KIAA0586: variants seen among roughly 807,000 people sequenced by gnomAD.
The protein encoded by KIAA0586 is KIAA0586.
A neutral mutation model predicts 169.8 loss-of-function variants in KIAA0586; 144 were observed. The observed-to-expected ratio is 0.85, with a 90% CI of 0.74 to 0.97. KIAA0586 has a LOEUF of 0.97. Ranked by LOEUF, KIAA0586 falls within the 50% of genes least tolerant of loss-of-function variation. The pLI is 0.00. For missense variants in KIAA0586, 1,854 were observed against 1,823.0 expected (o/e 1.02, Z -0.31); for synonymous variants, 625 against 612.4 (o/e 1.02, Z -0.30).
chr14:58,490,868 T>C (rs1332209730), intron 25 of KIAA0586, among the ~76,000 whole-genome samples: 2 of 152,152 alleles, frequency 1.3e-5, no homozygotes, highest in African/African-American at 2.4e-5. Flanking sequence ...TACTCAACTA[T>C]CATCTATGTT....
rs2043352354 is a variant in KIAA0586, at chr14:58,498,903, T to A, written c.4111T>A (p.Ser1371Thr). 4 of 1,612,054 alleles carry A rather than the reference T, an allele frequency of 2.5e-6. No homozygotes were observed. The highest frequency in any genetic ancestry group is 1.3e-5 in the African/African-American group (1 of 75,040). Reference protein sequence around the residue: ...YMQPPVTNTQSLDQQCDPKPL... With the variant: ...YMQPPVTNTQTLDQQCDPKPL... The stretch of plus-strand genomic sequence containing the variant: ...GCAGCCACCTGTCACTAATACACAG[T>A]CTTTGGATCAACAATGTGATCCTAA... Residue 1371 changes from serine to threonine, a missense_variant, in exon 27 of 31, where the codon TCT (serine) becomes ACT (threonine). Coordinates refer to ENST00000652326, the MANE Select transcript of KIAA0586 (RefSeq NM_001329943.3).
At chr14:58,516,314 T>C (rs1200922620) in intron 29 of KIAA0586, among the ~76,000 whole-genome samples, 1 of 152,120 alleles carries the variant, frequency 6.6e-6, no homozygotes, top group African/African-American at 2.4e-5. Flanking sequence ...CCTTCTCCTT[T>C]AAGAACAAAA....
rs1388656317 is a variant in KIAA0586, at chr14:58,442,793, T to C, written c.498T>C (p.Thr166=). 1 of 1,605,926 alleles carries C rather than the reference T, an allele frequency of 6.2e-7. No individual in the cohort carries two copies. The highest frequency in any genetic ancestry group is 1.1e-5 in the South Asian group (1 of 89,624). Reference sequence around the variant, plus strand: ...AGAAGGATGCTGTTACTCAGGAGACTAGAATTTCACCCAGTGGAATTGATT... The same window carrying C: ...AGAAGGATGCTGTTACTCAGGAGACCAGAATTTCACCCAGTGGAATTGATT... The part of the protein sequence containing the change: ...GIEKDAVTQE[T]RISPSGIDSA... Residue 166 remains threonine, a synonymous_variant, in exon 5 of 31, where the codon ACT becomes ACC. Coordinates refer to ENST00000652326, the MANE Select transcript of KIAA0586 (RefSeq NM_001329943.3).
At chr14:58,552,173 A>G (rs143963589), downstream of KIAA0586, among the ~76,000 whole-genome samples, 12 of 152,308 alleles carry the variant, frequency 7.9e-5, no homozygotes, top group Admixed American at 2.0e-4. Flanking sequence ...TGAAGACTCT[A>G]TTAGAAATGC....
Position 58,524,585 on chromosome 14 carries a change from T to C in KIAA0586, c.4429+11958T>C, listed in dbSNP as rs1237076855. ...TTGATGATTCTGTTCTATTTAGAAT[T>C]AGAGGCACTTTGGAGACAAATTGCA... On this transcript the variant is annotated intron_variant, in intron 29 of 30. Coordinates refer to ENST00000652326, the MANE Select transcript of KIAA0586 (RefSeq NM_001329943.3). Among the ~76,000 whole-genome samples, 2 of 152,152 alleles carry C rather than the reference T, an allele frequency of 1.3e-5. 1 individual carries two copies. The highest frequency in any genetic ancestry group is 2.9e-5 in the Non-Finnish European group (2 of 68,032).
At position 58,429,424 on chromosome 14, in the gene KIAA0586, G is replaced by A. The variant is rs1459167218; in HGVS notation, c.261G>A (p.Val87=). The A allele has an allele frequency of 1.9e-6, 3 of 1,578,878 alleles. No individual in the cohort carries two copies. Among genetic ancestry groups the A allele is most frequent in the Non-Finnish European group, 2.6e-6 (3 of 1,148,328 alleles). The part of the protein sequence containing the change: ...CYQPLLENPM[V]SESDFSKDVA... ...AGCCTCTATTAGAAAATCCCATGGT[G>A]TCAGAAAGTGTAAGCAAAAGGATTC... Residue 87 remains valine (V), a synonymous_variant, in exon 2 of 31, where the codon GTG becomes GTA. Coordinates refer to ENST00000652326, the MANE Select transcript of KIAA0586 (RefSeq NM_001329943.3).
chr14:58,449,478 G>A (rs1027676436), intron 7 of KIAA0586, among the ~76,000 whole-genome samples: 3 of 152,190 alleles, frequency 2.0e-5, no homozygotes, highest in Non-Finnish European at 4.4e-5. Flanking sequence ...TCAGTGAGCT[G>A]TGATCATGCA....
At chr14:58,527,852 A>T (rs2045697333) in intron 29 of KIAA0586, among the ~76,000 whole-genome samples, 1 of 152,238 alleles carries the variant, frequency 6.6e-6, no homozygotes, top group Non-Finnish European at 1.5e-5. Context: ...ATTCACACAT[A>T]ACAATATTAA....
intron 29 of KIAA0586, among the ~76,000 whole-genome samples, chr14:58,517,902 A>T (rs1395635224): frequency 6.6e-6 from 1 of 152,214 alleles, no homozygotes; most frequent in African/African-American, 2.4e-5. Flanking sequence ...TTCCATTTAT[A>T]TGGAAAAGGC....
rs537327644 is a variant in KIAA0586 at position 58,537,939 on chromosome 14, G to A, written c.4430-2132G>A. Among the ~76,000 whole-genome samples, 147 of 152,206 alleles carry A rather than the reference G, an allele frequency of 9.7e-4. 1 individual carries two copies. Among genetic ancestry groups the A allele is most frequent in the Non-Finnish European group, 1.4e-3 (98 of 68,016 alleles). On this transcript the variant is annotated intron_variant, in intron 29 of 30. Transcript: ENST00000652326. ...TGGGATTACAGGCGTGAGCCACCGC[G>A]CCTGGCCCATAGTAAGCACTTTTAA...
intron 21 of KIAA0586, among the ~76,000 whole-genome samples, chr14:58,485,416 C>A (rs1257566220): frequency 6.6e-6 from 1 of 152,082 alleles, no homozygotes; most frequent in African/African-American, 2.4e-5. Flanking sequence ...GGGAAATTGT[C>A]ATTTTCCTAC....
At chr14:58,538,825 G>A (rs1451036153) in intron 29 of KIAA0586, among the ~76,000 whole-genome samples, 2 of 151,908 alleles carry the variant, frequency 1.3e-5, no homozygotes, top group Non-Finnish European at 2.9e-5. Context: ...TGTCGTCCAG[G>A]CTGGTAGGCA....
chr14:58,468,250 A>T (rs895003508), intron 16 of KIAA0586, among the ~76,000 whole-genome samples: 1 of 151,838 alleles, frequency 6.6e-6, no homozygotes, highest in African/African-American at 2.4e-5. Flanking sequence ...GGGGTTTCAT[A>T]TGTTGGCCAG....
downstream of KIAA0586, among the ~76,000 whole-genome samples, chr14:58,552,659 G>A (rs1042528821): frequency 6.6e-6 from 1 of 152,154 alleles, no homozygotes; most frequent in African/African-American, 2.4e-5. Context: ...GTTCACTAAC[G>A]AGACTTCTGA....
intron 29 of KIAA0586, among the ~76,000 whole-genome samples, chr14:58,524,548 C>T (rs922304287): frequency 2.0e-5 from 3 of 152,140 alleles, no homozygotes; most frequent in Non-Finnish European, 2.9e-5. Context: ...TGATTAAGGA[C>T]TCCAGTTGTT....
chr14:58,512,482 TA>T, intron 28 of KIAA0586, 39 bp from the exon 29 acceptor site: 1 of 1,131,190 alleles, frequency 8.8e-7, no homozygotes, highest in Non-Finnish European at 1.2e-6. Context: ...TTTAAGTAAC[TA>T]AAAAATAATA....
At chr14:58,532,289 C>A (rs2046026413) in intron 29 of KIAA0586, among the ~76,000 whole-genome samples, 1 of 152,070 alleles carries the variant, frequency 6.6e-6, no homozygotes, top group South Asian at 2.1e-4. Flanking sequence ...AACTACATAC[C>A]AAATTGTTAC....
rs1566969893 is a variant in KIAA0586, at chr14:58,547,826, A to G, written c.4541A>G (p.Lys1514Arg). 2.5e-6 allele frequency: 4 copies of G among 1,613,626 alleles called. No homozygotes were observed. The highest frequency in any genetic ancestry group is 2.2e-5 in the South Asian group (2 of 91,070). Residue 1514 changes from lysine (K) to arginine (R), a missense_variant, in exon 31 of 31, where the codon AAG (lysine) becomes AGG (arginine). Lys to Arg is a conservative substitution (Grantham distance 26). Transcript: ENST00000652326. ...TCCGCTTCACAGATGCCCCCTGCCA[A>G]GATGTCAGTGATGCTGCCGTCAGTG... ...PLSASQMPPAKMSVMLPSVNL... is the reference protein window; with the variant it reads ...PLSASQMPPARMSVMLPSVNL...
At chr14:58,497,035 C>T (rs994883887) in intron 26 of KIAA0586, among the ~76,000 whole-genome samples, 2 of 149,620 alleles carry the variant, frequency 1.3e-5, no homozygotes, top group Non-Finnish European at 3.0e-5. Context: ...AATGCAGTGG[C>T]GGGATCTCGG....
Sources: allele counts gnomAD v4.1 joint callset (sites outside exome capture counted in the v4.1 genomes callset), GRCh38; gene constraint gnomAD v4.1.1; transcripts MANE v1.5; gene names NCBI Gene and HGNC (gene_info 2026-07-23, HGNC 2026-07-21).